The following THADA variants were observed in gnomAD, a reference collection of about 807,000 sequenced individuals.
The protein encoded by THADA is tRNA (32-2'-O)-methyltransferase regulator THADA.
THADA carries 213 observed loss-of-function variants against 219.8 expected under a neutral mutation model. That is an observed-to-expected ratio of 0.97 (90% CI 0.87 to 1.09). THADA has a LOEUF of 1.09. THADA is among the 50% of genes least tolerant of loss of function. The pLI, the probability that THADA is intolerant of heterozygous loss-of-function variation, is 0.00. For synonymous variants in THADA, 1,018 were observed against 828.9 expected (o/e 1.23, Z -3.92); for missense variants, 2,956 against 2,311.3 (o/e 1.28, Z -5.72).
At chr2:43,389,839 G>C (rs1382533914) in intron 29 of THADA, among the ~76,000 whole-genome samples, 1 of 152,188 alleles carries the variant, frequency 6.6e-6, no homozygotes, top group Admixed American at 6.5e-5. Flanking sequence ...TTGCCTCTCA[G>C]ATGTGTGATC....
intron 22 of THADA, among the ~76,000 whole-genome samples, chr2:43,514,572 A>T (rs1690950712): frequency 9.1e-6 from 1 of 110,134 alleles, no homozygotes; most frequent in Non-Finnish European, 1.8e-5. Flanking sequence ...TATACATAAC[A>T]TATATGTATA....
At chr2:43,372,413 A>G (rs931844629) in intron 29 of THADA, among the ~76,000 whole-genome samples, 3 of 152,216 alleles carry the variant, frequency 2.0e-5, no homozygotes, top group Non-Finnish European at 2.9e-5. Context: ...ACAAAACCCT[A>G]AAATAGTGAA....
chr2:43,301,995 G>C (rs1676317230), intron 31 of THADA, among the ~76,000 whole-genome samples: 1 of 152,106 alleles, frequency 6.6e-6, no homozygotes, highest in South Asian at 2.1e-4. Flanking sequence ...CTGAAGTTTA[G>C]CAGCCTTCTT....
chr2:43,382,935 A>G (rs1406703289), intron 29 of THADA, among the ~76,000 whole-genome samples: 1 of 152,214 alleles, frequency 6.6e-6, no homozygotes, highest in Admixed American at 6.5e-5. Context: ...ATAATTATAA[A>G]TTATGTTCTC....
At chr2:43,402,034 C>T (rs753683999) in intron 28 of THADA, among the ~76,000 whole-genome samples, 11 of 151,668 alleles carry the variant, frequency 7.3e-5, no homozygotes, top group Non-Finnish European at 7.4e-5. Context: ...TATTTATGAA[C>T]ATATGCACAC....
intron 29 of THADA, among the ~76,000 whole-genome samples, chr2:43,377,688 A>C (rs1671537438): frequency 6.6e-6 from 1 of 152,164 alleles, no homozygotes; most frequent in Admixed American, 6.6e-5. Flanking sequence ...GGTTTGAGAG[A>C]GGCTTATGCA....
chr2:43,533,403 G>C (rs570928507), intron 21 of THADA, among the ~76,000 whole-genome samples: 1 of 152,146 alleles, frequency 6.6e-6, no homozygotes, highest in Admixed American at 6.5e-5. Flanking sequence ...GTACCCAAAG[G>C]ATTATAAATC....
At chr2:43,407,560 A>C (rs1675724828) in intron 28 of THADA, among the ~76,000 whole-genome samples, 1 of 152,162 alleles carries the variant, frequency 6.6e-6, no homozygotes, top group African/African-American at 2.4e-5. Flanking sequence ...CTGAAATGAT[A>C]TTAAAATCTT....
chr2:43,426,774 T>C (rs1678501794), intron 28 of THADA, among the ~76,000 whole-genome samples: 2 of 152,142 alleles, frequency 1.3e-5, no homozygotes, highest in African/African-American at 4.8e-5. Flanking sequence ...TAAGAAATAC[T>C]CTCTTGAGTT....
intron 31 of THADA, among the ~76,000 whole-genome samples, chr2:43,303,930 A>G (rs1676551158): frequency 6.6e-6 from 1 of 152,180 alleles, no homozygotes; most frequent in Non-Finnish European, 1.5e-5. Context: ...ACAAATTCCC[A>G]GGTAATGCTG....
intron 36 of THADA, among the ~76,000 whole-genome samples, chr2:43,274,903 G>T (rs1203114823): frequency 1.3e-5 from 2 of 151,796 alleles, no homozygotes; most frequent in Admixed American, 6.5e-5. Context: ...CAACAGGCAT[G>T]AAATCTGGCA....
intron 31 of THADA, among the ~76,000 whole-genome samples, chr2:43,293,983 T>C (rs918137354): frequency 3.9e-5 from 6 of 152,214 alleles, no homozygotes; most frequent in South Asian, 2.1e-4. Context: ...TGTTGACTCA[T>C]ATGGAGCACA....
In THADA at chr2:43,344,889, T is replaced by A. The variant is rs372702766; in HGVS notation, c.4228-652A>T. On this transcript the variant is annotated intron_variant, in intron 29 of 37. Transcript: ENST00000405975. ...GTATGCACGTATGTATGTACTGGAT[T>A]CAGCAATGACATCCGCAAAGCCTCT... Among the ~76,000 whole-genome samples the A allele has an allele frequency of 1.8e-4, 28 of 152,338 alleles. No homozygotes were observed. In the East Asian group the frequency reaches 3.1e-3, roughly 17 times the overall value.
intron 36 of THADA, among the ~76,000 whole-genome samples, chr2:43,264,656 T>C (rs373283944): frequency 1.3e-4 from 20 of 152,270 alleles, no homozygotes; most frequent in African/African-American, 4.1e-4. Flanking sequence ...GACTCAGTGC[T>C]GTTTGTAGCC....
rs150139742 is a variant in THADA, at chr2:43,265,231, G to A, written c.5296+14534C>T. 5.3e-3 allele frequency among the ~76,000 whole-genome samples: 812 copies of A among 152,344 alleles called. 4 individuals are homozygous for A. Among genetic ancestry groups the A allele is most frequent in the Non-Finnish European group, 8.3e-3 (564 of 68,040 alleles). ...GGGCACTGAAAGGCTGCTGGGAGCA[G>A]CCCCAGACCCAGTGCATCTGGACAA... is the stretch of plus-strand genomic sequence containing the variant. On this transcript the variant is annotated intron_variant, in intron 36 of 37. Transcript: ENST00000405975.
chr2:43,261,764 G>A (rs1029568978), intron 36 of THADA, among the ~76,000 whole-genome samples: 5 of 151,410 alleles, frequency 3.3e-5, no homozygotes, highest in African/African-American at 7.3e-5. Context: ...AGCCTCCCAC[G>A]TAGCTGAGAT....
At chr2:43,319,587 G>A (rs542222154) in intron 31 of THADA, among the ~76,000 whole-genome samples, 1 of 152,178 alleles carries the variant, frequency 6.6e-6, no homozygotes, top group African/African-American at 2.4e-5. Context: ...GAACAGAGCT[G>A]AACATTGACA....
At chr2:43,304,673 ATTT>A (rs11387621) in intron 31 of THADA, among the ~76,000 whole-genome samples, 2 of 140,390 alleles carry the variant, frequency 1.4e-5, no homozygotes, top group Admixed American at 7.1e-5. Context: ...AGCAGACTTC[ATTT>A]TTTTTTTTTT....
chr2:43,321,444 G>T (rs532362344), intron 30 of THADA, among the ~76,000 whole-genome samples: 2 of 152,298 alleles, frequency 1.3e-5, no homozygotes, highest in East Asian at 3.9e-4. Context: ...TAATGCTATT[G>T]TAACACTGTT....
Sources: allele counts gnomAD v4.1 joint callset (sites outside exome capture counted in the v4.1 genomes callset), GRCh38; gene constraint gnomAD v4.1.1; transcripts MANE v1.5; gene names NCBI Gene and HGNC (gene_info 2026-07-23, HGNC 2026-07-21).